DPF2: variants seen among roughly 807,000 people sequenced by gnomAD.
DPF2 encodes zinc finger protein ubi-d4.
In DPF2, 10 loss-of-function variants were observed where a neutral mutation model predicts 59.6. That is an observed-to-expected ratio of 0.17 (90% CI 0.10 to 0.28). DPF2 has a LOEUF of 0.28. DPF2 is among the 10% of genes least tolerant of loss of function. DPF2 has a pLI of 1.00. For missense variants in DPF2, 315 were observed against 509.4 expected (o/e 0.62, Z 3.67); for synonymous variants, 189 against 190.6 (o/e 0.99, Z 0.07).
intron 1 of DPF2, among the ~76,000 whole-genome samples, chr11:65,336,785 C>CAAAAAAAAAAAAAAAAAAAAAAA (rs751170058): frequency 1.5e-5 from 1 of 65,882 alleles, no homozygotes; most frequent in Non-Finnish European, 3.0e-5. Flanking sequence ...GACTCCATCT[C>CAAAAAAAAAAAAAAAAAAAAAAA]AAAAAAAAAA....
At chr11:65,336,728 G>A (rs554959817) in intron 1 of DPF2, among the ~76,000 whole-genome samples, 122 of 144,882 alleles carry the variant, frequency 8.4e-4, no homozygotes, top group Admixed American at 2.9e-4. Flanking sequence ...GGCAGAGGTT[G>A]CAGTGAGCCA....
At position 65,346,376 on chromosome 11, in the gene DPF2, C is replaced by T; in HGVS notation, c.1017+17C>T. The T allele has an allele frequency of 6.2e-7, 1 of 1,605,424 alleles. No individual in the cohort carries two copies. The highest frequency in any genetic ancestry group is 8.5e-7 in the Non-Finnish European group (1 of 1,175,950). On this transcript the variant is annotated intron_variant, in intron 9 of 10. Transcript: ENST00000528416. ...GAGAATGACGTGTGTATCCCCGCCC[C>T]CTCCTCAGCATGGCTCCTTCTGGGC...
intron 6 of DPF2, chr11:65,344,350 G>A: frequency 3.3e-6 from 2 of 611,228 alleles, no homozygotes; most frequent in Admixed American, 5.9e-5. Flanking sequence ...CAGATGGCCT[G>A]CAGGTCTCCT....
chr11:65,339,030 CTCAAG>C (rs769306006), intron 1 of DPF2, among the ~76,000 whole-genome samples: 1 of 152,136 alleles, frequency 6.6e-6, no homozygotes, highest in Non-Finnish European at 1.5e-5. Flanking sequence ...TCTTTTTACT[CTCAAG>C]TCAAGTCTGA....
chr11:65,339,368 A>G (rs1854298625), intron 1 of DPF2, among the ~76,000 whole-genome samples: 1 of 152,244 alleles, frequency 6.6e-6, no homozygotes. Context: ...TCTTAGAACC[A>G]GATAACTCCT....
intron 3 of DPF2, 57 bp downstream of exon 3, chr11:65,341,130 A>C: frequency 6.4e-7 from 1 of 1,553,392 alleles, no homozygotes; most frequent in Admixed American, 1.7e-5. Flanking sequence ...AGAGCCTGCT[A>C]ATCACTGTGA....
At chr11:65,340,021 A>C (rs766431202) in intron 1 of DPF2, among the ~76,000 whole-genome samples, 1 of 152,220 alleles carries the variant, frequency 6.6e-6, no homozygotes, top group African/African-American at 2.4e-5. Flanking sequence ...AGGAGGGACT[A>C]TCATCTGCTT....
chr11:65,335,338 A>G (rs1392518353), intron 1 of DPF2, among the ~76,000 whole-genome samples: 1 of 152,076 alleles, frequency 6.6e-6, no homozygotes, highest in Non-Finnish European at 1.5e-5. Context: ...GGGATGTTTT[A>G]CACAGGTTTC....
At chr11:65,336,655 G>A (rs764538172) in intron 1 of DPF2, among the ~76,000 whole-genome samples, 1 of 151,502 alleles carries the variant, frequency 6.6e-6, no homozygotes, top group South Asian at 2.1e-4. Context: ...TGGGCATGGT[G>A]GCGTGTGTCT....
At chr11:65,344,475 C>G in intron 6 of DPF2, 2 of 1,129,442 alleles carry the variant, frequency 1.8e-6, no homozygotes, top group Admixed American at 2.3e-5. Context: ...GGAGCACCAT[C>G]GCCGCTGGGG....
chr11:65,346,506 ACT>A, intron 9 of DPF2, 147 bp downstream of exon 9: 1 of 661,918 alleles, frequency 1.5e-6, no homozygotes. Flanking sequence ...CTCAGTCAGA[ACT>A]CTGATTTGTT....
intron 3 of DPF2, 114 bp from the exon 4 acceptor site, chr11:65,341,285 G>A (rs1467166721): frequency 1.8e-5 from 26 of 1,464,732 alleles, no homozygotes; most frequent in Admixed American, 1.2e-4. Context: ...ATTCCTGGGC[G>A]TGCAGAGAAC....
chr11:65,347,358 GTC>G (rs1283322262), intron 9 of DPF2: 4 of 151,942 alleles, frequency 2.6e-5, no homozygotes, highest in Non-Finnish European at 5.9e-5. Flanking sequence ...TTGAGACAGA[GTC>G]TCTCTGTCAT....
At chr11:65,344,530 C>G in intron 6 of DPF2, 1 of 1,523,472 alleles carries the variant, frequency 6.6e-7, no homozygotes, top group African/African-American at 1.4e-5. Flanking sequence ...CTGCTCCTGT[C>G]TCAAGTGTAT....
intron 4 of DPF2, among the ~76,000 whole-genome samples, chr11:65,342,216 A>G (rs1282131323): frequency 6.6e-6 from 1 of 152,224 alleles, no homozygotes; most frequent in East Asian, 1.9e-4. Context: ...TGTCTTTGCT[A>G]AACTATTTGA....
chr11:65,343,098 G>A (rs1423193760), intron 4 of DPF2, among the ~76,000 whole-genome samples: 10 of 151,774 alleles, frequency 6.6e-5, no homozygotes, highest in African/African-American at 1.2e-4. Flanking sequence ...TCGGGAGTTC[G>A]AGACCAGCCT....
chr11:65,346,096 C>G, intron 8 of DPF2, 38 bp downstream of exon 8: 1 of 1,611,450 alleles, frequency 6.2e-7, no homozygotes, highest in Non-Finnish European at 8.5e-7. Flanking sequence ...TTGCCCAGTC[C>G]CCAAGGGGCT....
At chr11:65,336,718 G>C (rs1486152976) in intron 1 of DPF2, among the ~76,000 whole-genome samples, 2 of 149,780 alleles carry the variant, frequency 1.3e-5, no homozygotes, top group African/African-American at 4.9e-5. Context: ...GAATCCAGGA[G>C]GCAGAGGTTG....
At chr11:65,351,082 T>C (rs1590940619) in intron 10 of DPF2, among the ~76,000 whole-genome samples, 1 of 152,100 alleles carries the variant, frequency 6.6e-6, no homozygotes, top group Non-Finnish European at 1.5e-5. Flanking sequence ...ACAGAAAACT[T>C]TGCCAACCGT....
Sources: allele counts gnomAD v4.1 joint callset (sites outside exome capture counted in the v4.1 genomes callset), GRCh38; gene constraint gnomAD v4.1.1; transcripts MANE v1.5; gene names NCBI Gene and HGNC (gene_info 2026-07-23, HGNC 2026-07-21).